Variants in PTRH1 observed in about 807,000 individuals in gnomAD.
PTRH1 encodes the protein peptidyl-tRNA hydrolase.
Under a neutral mutation model 15.7 loss-of-function variants are expected in PTRH1, and 13 were observed. The observed-to-expected ratio is 0.83, with a 90% CI of 0.54 to 1.31. The LOEUF is 1.31. Among genes scored for constraint, PTRH1 ranks in the 40% most tolerant of loss-of-function variants. PTRH1 has a pLI of 0.00. For synonymous variants in PTRH1, 139 were observed against 136.7 expected (o/e 1.02, Z -0.12); for missense variants, 319 against 296.2 (o/e 1.08, Z -0.56).
rs1564372171 is a variant in PTRH1, at chr9:127,715,642, TGCC to T, written c.-6_-4del. ...CCCAAAAAGCCGCCCGGCCTCATGC[TGCC>T]CCCATTCACTCCGACACCGCCCCCT... On this transcript the variant is annotated 5_prime_UTR_variant, in exon 1 of 5. Transcript: ENST00000543175. This position sits in a 1 kb window ranked among gnomAD's most constrained non-coding sequence, Gnocchi z 5.8. The T allele has an allele frequency of 9.9e-6, 16 of 1,611,318 alleles. No individual in the cohort carries two copies. Among genetic ancestry groups the T allele is most frequent in the Non-Finnish European group, 1.3e-5 (15 of 1,179,722 alleles).
At position 127,715,420 on chromosome 9, in the gene PTRH1, G is replaced by T; in HGVS notation, c.96+124C>A. Reference sequence around the variant, plus strand: ...AGCTTCAAGAAGTTTGGAGCCCGTCGAGCACTGAACTCACCAGTTAAGAAA... The same window carrying T: ...AGCTTCAAGAAGTTTGGAGCCCGTCTAGCACTGAACTCACCAGTTAAGAAA... On this transcript the variant is annotated intron_variant, in intron 1 of 4. Coordinates refer to ENST00000543175, the MANE Select transcript of PTRH1 (RefSeq NM_001002913.3). The surrounding 1 kb of genome is among the most constrained non-coding windows in gnomAD (Gnocchi z 5.8). The T allele has an allele frequency of 7.1e-7, 1 of 1,405,218 alleles. No individual in the cohort carries two copies. Among genetic ancestry groups the T allele is most frequent in the Non-Finnish European group, 9.8e-7 (1 of 1,017,748 alleles). 87.0% of individuals were successfully genotyped at this position (1,405,218 alleles called of 1,614,324 possible). A position where few individuals can be genotyped will look rare whatever the true frequency, so the allele number is the denominator to read the frequency against.
Position 127,714,095 on chromosome 9 carries a change from TAGTGTCACGGCCCC to T in PTRH1, c.636_*4del. ...CAGTCAGGCAGGCAGCCATGGCCAC[TAGTGTCACGGCCCC>T]AGTGAGGGCCCCTGGCTTCGCTCAC... On this transcript the variant is annotated stop_lost and 3_prime_UTR_variant, in exon 5 of 5. Transcript: ENST00000543175. The T allele has an allele frequency of 6.2e-7, 1 of 1,611,640 alleles. No homozygotes were observed.
At chr9:127,695,032 A>T (rs1169351512) in exon 2 of PTRH1, 1 of 702,512 alleles carries the variant, frequency 1.4e-6, no homozygotes, top group South Asian at 1.5e-5. Context: ...GCTCCCAGGA[A>T]GCACAGTGAG....
chr9:127,700,663 C>G (rs1204568071), intron 1 of PTRH1, among the ~76,000 whole-genome samples: 1 of 152,176 alleles, frequency 6.6e-6, no homozygotes, highest in Non-Finnish European at 1.5e-5. Context: ...AACAGGACCT[C>G]GGGCCATGGC....
At chr9:127,712,270 T>C, downstream of PTRH1, 4 of 1,613,984 alleles carry the variant, frequency 2.5e-6, no homozygotes, top group Non-Finnish European at 2.5e-6. Context: ...CAGCAGGAAC[T>C]GGCTAATGAG....
downstream of PTRH1, chr9:127,709,659 C>T (rs756501202): frequency 2.5e-6 from 4 of 1,613,570 alleles, no homozygotes; most frequent in Admixed American, 1.7e-5. The surrounding 1 kb of genome is among the most constrained non-coding windows in gnomAD (Gnocchi z 4.7). Context: ...TCCAGGAGAC[C>T]AAGGACCAGC....
downstream of PTRH1, chr9:127,713,211 G>A (rs753109246): frequency 3.9e-6 from 6 of 1,519,236 alleles, no homozygotes; most frequent in African/African-American, 1.4e-5. Context: ...CCTGAGGTGA[G>A]GGTGCCAGGG....
chr9:127,709,680 G>C, downstream of PTRH1: 1 of 1,613,356 alleles, frequency 6.2e-7, no homozygotes, highest in Non-Finnish European at 8.5e-7. The surrounding 1 kb of genome is among the most constrained non-coding windows in gnomAD (Gnocchi z 4.7). Flanking sequence ...TCACCACGGA[G>C]AACATCATCC....
chr9:127,715,422 G>T lies in PTRH1; in HGVS notation c.96+122C>A. 1 of 1,413,652 alleles carries T rather than the reference G, an allele frequency of 7.1e-7. No individual in the cohort carries two copies. Among genetic ancestry groups the T allele is most frequent in the Non-Finnish European group, 9.8e-7 (1 of 1,024,420 alleles). The allele number at this position is 1,413,652 out of a possible 1,614,324, so 87.6% of individuals were successfully genotyped here. On this transcript the variant is annotated intron_variant, in intron 1 of 4. Coordinates refer to ENST00000543175, the MANE Select transcript of PTRH1 (RefSeq NM_001002913.3). This position sits in a 1 kb window ranked among gnomAD's most constrained non-coding sequence, Gnocchi z 5.8. ...CTTCAAGAAGTTTGGAGCCCGTCGA[G>T]CACTGAACTCACCAGTTAAGAAAAC...
chr9:127,698,887 G>A (rs775374712), intron 1 of PTRH1, among the ~76,000 whole-genome samples: 1 of 151,646 alleles, frequency 6.6e-6, no homozygotes, highest in Non-Finnish European at 1.5e-5. Context: ...TCCCAGCAGC[G>A]GCTTCCCACA....
chr9:127,707,942 G>A (rs1271893789), intron 1 of PTRH1, among the ~76,000 whole-genome samples: 1 of 152,158 alleles, frequency 6.6e-6, no homozygotes, highest in East Asian at 1.9e-4. Flanking sequence ...CAGGCCATGG[G>A]CTGGTGCTCA....
At chr9:127,707,060 C>T (rs764934898) in intron 1 of PTRH1, 3 of 1,613,850 alleles carry the variant, frequency 1.9e-6, no homozygotes, top group African/African-American at 1.3e-5. Context: ...GTGAGCAAGG[C>T]AGGCAAGGAG....
chr9:127,711,954 C>G, downstream of PTRH1: 1 of 1,604,704 alleles, frequency 6.2e-7, no homozygotes. Context: ...CACTGAAGTG[C>G]GTATGGCCCA....
chr9:127,710,048 G>C (rs1842727874), downstream of PTRH1, among the ~76,000 whole-genome samples: 1 of 152,190 alleles, frequency 6.6e-6, no homozygotes, highest in African/African-American at 2.4e-5. Context: ...CAAGGCGGGA[G>C]GATTGCTTGA....
At chr9:127,702,660 T>TGAC (rs1426313876) in intron 1 of PTRH1, among the ~76,000 whole-genome samples, 1 of 152,156 alleles carries the variant, frequency 6.6e-6, no homozygotes, top group East Asian at 1.9e-4. Context: ...GCTGGGCTTT[T>TGAC]GACATGAGCC....
intron 1 of PTRH1, among the ~76,000 whole-genome samples, chr9:127,697,449 C>T (rs1032009324): frequency 8.5e-5 from 13 of 152,122 alleles, no homozygotes; most frequent in Admixed American, 8.5e-4. Context: ...CGCCTGAGGT[C>T]AGGAGTTCAA....
At chr9:127,710,701 G>A (rs1401177766), downstream of PTRH1, 1 of 1,575,070 alleles carries the variant, frequency 6.3e-7, no homozygotes, top group Non-Finnish European at 8.6e-7. Flanking sequence ...AGGAGAATGA[G>A]TTCAGGGACT....
chr9:127,715,061 G>T lies in PTRH1; in HGVS notation c.230C>A (p.Ala77Asp). The change falls in exon 2 of 5, where the codon GCC becomes GAC. Residue 77 changes from alanine (A) to aspartate (D), a missense_variant. Transcript: ENST00000543175. This position sits in a 1 kb window ranked among gnomAD's most constrained non-coding sequence, Gnocchi z 5.8. The stretch of plus-strand genomic sequence containing the variant: ...TTGGGCATCCCCCAGCGGGGCCAGG[G>T]CGAGGTCGGCGGCACAGTGCCGGTC... ...TRDRHCAADL[A>D]LAPLGDAQLV... 6.5e-7 allele frequency: 1 copy of T among 1,527,598 alleles called. No individual in the cohort carries two copies. The highest frequency in any genetic ancestry group is 8.7e-7 in the Non-Finnish European group (1 of 1,143,384). The allele number at this position is 1,527,598 out of a possible 1,614,324, so 94.6% of individuals were successfully genotyped here.
At chr9:127,703,941 G>A (rs1330539467) in intron 1 of PTRH1, among the ~76,000 whole-genome samples, 1 of 151,464 alleles carries the variant, frequency 6.6e-6, no homozygotes, top group African/African-American at 2.4e-5. Context: ...GCAACACAGG[G>A]ATGGGCAGGG....
Sources: allele counts gnomAD v4.1 joint callset (sites outside exome capture counted in the v4.1 genomes callset), GRCh38; gene constraint gnomAD v4.1.1; non-coding constraint Gnocchi (gnomAD v3.1); transcripts MANE v1.5; gene names NCBI Gene and HGNC (gene_info 2026-07-23, HGNC 2026-07-21).